Variants in CLSTN2 observed in about 807,000 individuals in gnomAD.
The protein encoded by CLSTN2 is calsyntenin-2.
Under a neutral mutation model 101.2 loss-of-function variants are expected in CLSTN2, and 48 were observed. The ratio of observed to expected loss-of-function variants is 0.47; its 90% CI spans 0.38 to 0.60. The LOEUF is 0.60. Among genes scored for constraint, CLSTN2 ranks in the 20% least tolerant of loss-of-function variants. The pLI is 0.00. For synonymous variants in CLSTN2, 481 were observed against 463.6 expected, an observed-to-expected ratio of 1.04 and a Z score of -0.48; for missense variants, 1,160 against 1,238.2, an observed-to-expected ratio of 0.94 and a Z score of 0.95.
intron 2 of CLSTN2, among the ~76,000 whole-genome samples, chr3:140,324,882 T>C (rs1212065919): frequency 1.3e-5 from 2 of 152,244 alleles, no homozygotes; most frequent in Non-Finnish European, 2.9e-5. Flanking sequence ...GATATTGCCA[T>C]GATGGTGACC....
chr3:140,485,863 T>A (rs1254353865), intron 8 of CLSTN2, among the ~76,000 whole-genome samples: 1 of 152,080 alleles, frequency 6.6e-6, no homozygotes, highest in Non-Finnish European at 1.5e-5. Context: ...CTGTCACCCC[T>A]TTCTTTGATT....
chr3:140,181,226 T>C (rs544729725), intron 2 of CLSTN2, among the ~76,000 whole-genome samples: 1 of 152,306 alleles, frequency 6.6e-6, no homozygotes, highest in East Asian at 1.9e-4. Flanking sequence ...CTGGTGTTAA[T>C]ATGTAGATTA....
At chr3:140,237,071 A>C (rs2107864541) in intron 2 of CLSTN2, among the ~76,000 whole-genome samples, 1 of 151,932 alleles carries the variant, frequency 6.6e-6, no homozygotes, top group South Asian at 2.1e-4. Flanking sequence ...TTTTTATTGG[A>C]TTCTGGACAT....
intron 2 of CLSTN2, among the ~76,000 whole-genome samples, chr3:140,308,000 A>G (rs1002079915): frequency 1.3e-5 from 2 of 152,182 alleles, no homozygotes; most frequent in Non-Finnish European, 2.9e-5. Flanking sequence ...CGGCCTCAAT[A>G]ATGTAAAGTT....
At chr3:140,135,087 A>AAC (rs780837347) in intron 1 of CLSTN2, among the ~76,000 whole-genome samples, 107 of 51,402 alleles carry the variant, frequency 2.1e-3, no homozygotes, top group East Asian at 3.8e-3. Flanking sequence ...CTCTCAAAAA[A>AAC]ACACACACAC....
chr3:140,295,383 C>T (rs901353522), intron 2 of CLSTN2, among the ~76,000 whole-genome samples: 16 of 152,096 alleles, frequency 1.1e-4, no homozygotes, highest in Non-Finnish European at 8.8e-5. Flanking sequence ...TAAAATGCAC[C>T]TTTCAATCTG....
intron 1 of CLSTN2, among the ~76,000 whole-genome samples, chr3:140,056,943 G>GA (rs1663502630): frequency 6.6e-6 from 1 of 152,210 alleles, no homozygotes; most frequent in Admixed American, 6.5e-5. Context: ...GTGGGACCCA[G>GA]AATCCTGACT....
At chr3:139,946,904 A>G (rs1432646701) in intron 1 of CLSTN2, among the ~76,000 whole-genome samples, 2 of 152,236 alleles carry the variant, frequency 1.3e-5, no homozygotes, top group Non-Finnish European at 2.9e-5. Flanking sequence ...GTCTTGCATT[A>G]TAAGAACTAG....
intron 2 of CLSTN2, among the ~76,000 whole-genome samples, chr3:140,305,816 G>A (rs1052513440): frequency 7.2e-5 from 11 of 151,992 alleles, no homozygotes; most frequent in African/African-American, 2.7e-4. Flanking sequence ...CATGAATATG[G>A]GTTTTTTTTT....
Position 140,575,173 on chromosome 3 carries a change from T to G in CLSTN2, c.*8920T>G, listed in dbSNP as rs1985694781. On this transcript the variant is annotated 3_prime_UTR_variant, in exon 17 of 17. Transcript: ENST00000458420. ...AAAGCTTTTTTTGTTTTTCTGTTTT[T>G]GTTTTGTTTTTGGCGTGGAGGAGAA... 6.6e-6 allele frequency: 1 copy of G among 152,250 alleles called. No homozygotes were observed. The highest frequency in any genetic ancestry group is 2.4e-5 in the African/African-American group (1 of 41,452). 9.4% of individuals were successfully genotyped at this position (152,250 alleles called of 1,614,324 possible).
intron 7 of CLSTN2, among the ~76,000 whole-genome samples, chr3:140,466,247 C>T (rs958551528): frequency 6.6e-6 from 1 of 152,222 alleles, no homozygotes; most frequent in Non-Finnish European, 1.5e-5. Context: ...ATGTGATTGG[C>T]ATATAGCTCC....
chr3:140,456,252 G>A (rs1933395849), intron 6 of CLSTN2, among the ~76,000 whole-genome samples: 1 of 152,210 alleles, frequency 6.6e-6, no homozygotes, highest in Admixed American at 6.5e-5. Flanking sequence ...GGTCCACTGA[G>A]GAGGTGCAAT....
chr3:140,406,014 A>T (rs1386624033), intron 4 of CLSTN2, among the ~76,000 whole-genome samples: 1 of 152,084 alleles, frequency 6.6e-6, no homozygotes, highest in African/African-American at 2.4e-5. Flanking sequence ...CTGTCCACAT[A>T]CAGCTCATCA....
intron 2 of CLSTN2, among the ~76,000 whole-genome samples, chr3:140,278,888 G>T (rs551099430): frequency 7.0e-4 from 106 of 151,894 alleles, no homozygotes; most frequent in African/African-American, 2.4e-3. Context: ...CCTGGCTAAT[G>T]GTTTTAATTT....
intron 5 of CLSTN2, among the ~76,000 whole-genome samples, chr3:140,440,781 C>A (rs1226956068): frequency 6.6e-6 from 1 of 152,188 alleles, no homozygotes; most frequent in African/African-American, 2.4e-5. Context: ...TAATTAATGT[C>A]CCCATTCTAT....
At chr3:140,133,720 G>A (rs1418784896) in intron 1 of CLSTN2, among the ~76,000 whole-genome samples, 5 of 152,176 alleles carry the variant, frequency 3.3e-5, no homozygotes, top group African/African-American at 1.2e-4. Flanking sequence ...GAATAGCTTG[G>A]GAGGCAGGAC....
chr3:140,100,770 C>T (rs534222039), intron 1 of CLSTN2, among the ~76,000 whole-genome samples: 3 of 152,334 alleles, frequency 2.0e-5, no homozygotes, highest in Admixed American at 1.3e-4. Flanking sequence ...CCGGGAGACG[C>T]ATCATCAGCC....
Position 140,205,539 on chromosome 3 carries a change from G to A in CLSTN2, c.232+29466G>A, listed in dbSNP as rs74890643. Reference sequence around the variant, plus strand: ...GGAGGGAGATTAAACTGAGGCTGGAGAGCAGAAAAAATTAGGAAAGCCACA... The same window carrying A: ...GGAGGGAGATTAAACTGAGGCTGGAAAGCAGAAAAAATTAGGAAAGCCACA... On this transcript the variant is annotated intron_variant, in intron 2 of 16. Transcript: ENST00000458420. 9.9e-3 allele frequency among the ~76,000 whole-genome samples: 1,493 copies of A among 150,370 alleles called. 31 individuals are homozygous for A. The highest frequency in any genetic ancestry group is 0.034 in the African/African-American group (1,417 of 41,186).
At chr3:139,945,763 G>A (rs1935204804) in intron 1 of CLSTN2, among the ~76,000 whole-genome samples, 1 of 152,106 alleles carries the variant, frequency 6.6e-6, no homozygotes, top group East Asian at 1.9e-4. Flanking sequence ...ATGTCTCCTT[G>A]TAATTAATGA....
Sources: gnomAD v4.1 joint callset for allele counts (sites outside exome capture counted in the v4.1 genomes callset) on GRCh38, gnomAD v4.1.1 for gene constraint, MANE v1.5 for transcripts, NCBI Gene and HGNC (gene_info 2026-07-23, HGNC 2026-07-21) for gene names.